Variants in CCDC171 observed in about 807,000 individuals in gnomAD.
The protein encoded by CCDC171 is coiled-coil domain-containing protein 171.
Under a neutral mutation model 168.2 loss-of-function variants are expected in CCDC171, and 177 were observed. The observed-to-expected ratio is 1.05, with a 90% CI of 0.93 to 1.19. CCDC171 has a LOEUF of 1.19. CCDC171 is among the 50% of genes most tolerant of loss of function. CCDC171 has a pLI of 0.00. For missense variants in CCDC171, 1,991 were observed against 1,539.0 expected, an observed-to-expected ratio of 1.29 and a Z score of -4.91; for synonymous variants, 687 against 540.8, an observed-to-expected ratio of 1.27 and a Z score of -3.75.
At chr9:16,088,403 T>G in the CCDC171 span, among the ~76,000 whole-genome samples, 1 of 152,162 alleles carries the variant, frequency 6.6e-6, no homozygotes, top group Admixed American at 6.6e-5. Context: ...ATAAATGTAT[T>G]CAGATAGGAA....
intron 25 of CCDC171, among the ~76,000 whole-genome samples, chr9:15,949,144 A>AGTG: frequency 6.6e-6 from 1 of 151,848 alleles, no homozygotes; most frequent in Non-Finnish European, 1.5e-5. Flanking sequence ...GATATGTGGC[A>AGTG]TTATTTCTGA....
At chr9:15,607,034 A>C (rs1014984140) in intron 6 of CCDC171, among the ~76,000 whole-genome samples, 2 of 152,154 alleles carry the variant, frequency 1.3e-5, no homozygotes, top group African/African-American at 4.8e-5. Flanking sequence ...TGCATGAGGT[A>C]TTTTTGTAGT....
intron 24 of CCDC171, chr9:15,885,736 G>C (rs895916405): frequency 6.6e-6 from 1 of 152,256 alleles, no homozygotes; most frequent in African/African-American, 2.4e-5. Flanking sequence ...AACTGACCCC[G>C]ATTTGCCCTA....
chr9:15,616,065 C>T (rs1040681109), intron 6 of CCDC171, among the ~76,000 whole-genome samples: 11 of 152,324 alleles, frequency 7.2e-5, no homozygotes, highest in Non-Finnish European at 1.5e-4. Context: ...ATTCTCTTGC[C>T]TCAGCCTCCC....
At chr9:15,649,019 A>T (rs1164160010) in intron 7 of CCDC171, among the ~76,000 whole-genome samples, 3 of 152,208 alleles carry the variant, frequency 2.0e-5, no homozygotes, top group Admixed American at 6.5e-5. Context: ...TACAGTAACC[A>T]AAACAGCATG....
downstream of CCDC171, among the ~76,000 whole-genome samples, chr9:16,066,073 T>A (rs372030014): frequency 2.6e-4 from 39 of 152,298 alleles, no homozygotes; most frequent in South Asian, 8.1e-3. Flanking sequence ...TCCCTAATGC[T>A]GTCCATGGAC....
rs761431259 is a variant in CCDC171, at chr9:15,623,259, T to A, written c.676-8T>A. 4 of 1,545,894 alleles carry A rather than the reference T, an allele frequency of 2.6e-6. No homozygotes were observed. The African/African-American group carries it at 5.5e-5, about 21-fold the overall frequency. ...ACTTTATTGATGCAAAAATGAATTA[T>A]TTTCCAGGAGCAAGATACTGCTGTG... On this transcript the variant is annotated splice_region_variant and splice_polypyrimidine_tract_variant and intron_variant, in intron 6 of 25. Coordinates refer to ENST00000380701, the MANE Select transcript of CCDC171 (RefSeq NM_173550.4).
intron 7 of CCDC171, among the ~76,000 whole-genome samples, chr9:15,652,056 G>C (rs1050046454): frequency 2.6e-5 from 4 of 152,026 alleles, no homozygotes; most frequent in African/African-American, 9.7e-5. Context: ...CCATAAGTGT[G>C]CCTCACCACA....
At chr9:15,761,748 C>G (rs2056456165) in intron 18 of CCDC171, among the ~76,000 whole-genome samples, 1 of 152,138 alleles carries the variant, frequency 6.6e-6, no homozygotes, top group South Asian at 2.1e-4. Flanking sequence ...GCTTCAGCTG[C>G]TAGTCTCTAT....
chr9:15,781,746 T>C (rs1479320369), intron 20 of CCDC171, among the ~76,000 whole-genome samples: 1 of 152,220 alleles, frequency 6.6e-6, no homozygotes, highest in East Asian at 1.9e-4. Flanking sequence ...CCTATAATTA[T>C]AAGTTATGAA....
chr9:15,659,166 C>T (rs985477421), intron 8 of CCDC171, among the ~76,000 whole-genome samples: 2 of 152,134 alleles, frequency 1.3e-5, no homozygotes, highest in African/African-American at 2.4e-5. Flanking sequence ...GAACAATGTA[C>T]ATTTACTCTT....
At chr9:15,618,558 C>T (rs984231704) in intron 6 of CCDC171, among the ~76,000 whole-genome samples, 7 of 152,290 alleles carry the variant, frequency 4.6e-5, no homozygotes, top group African/African-American at 1.7e-4. Context: ...GTTCCAGGTG[C>T]CACTGGCATA....
chr9:16,025,318 T>C (rs1323442525), intron 6 of CCDC171, among the ~76,000 whole-genome samples: 1 of 152,120 alleles, frequency 6.6e-6, no homozygotes, highest in Non-Finnish European at 1.5e-5. Context: ...CATGTGCGCC[T>C]GTAATCCCAG....
In CCDC171 at chr9:15,825,566, G is replaced by A. The variant is rs886540153; in HGVS notation, c.3268-21136G>A. Among the ~76,000 whole-genome samples the A allele has an allele frequency of 7.4e-4, 112 of 152,168 alleles. 1 individual carries two copies. Among genetic ancestry groups the A allele is most frequent in the African/African-American group, 2.5e-3 (102 of 41,444 alleles). ...GTTTTGGAGTCAGAACTTGAAGTCA[G>A]TTCCTGGTGATTTAGTGGCTAGGGA... On this transcript the variant is annotated intron_variant, in intron 21 of 25. Transcript: ENST00000380701.
chr9:15,624,948 C>T (rs888538143), intron 7 of CCDC171, among the ~76,000 whole-genome samples: 3 of 152,176 alleles, frequency 2.0e-5, no homozygotes, highest in African/African-American at 7.2e-5. Context: ...AAAAGTGTTC[C>T]TATTTCTCCA....
At chr9:15,718,302 C>T (rs1327466553) in intron 11 of CCDC171, among the ~76,000 whole-genome samples, 1 of 152,132 alleles carries the variant, frequency 6.6e-6, no homozygotes, top group African/African-American at 2.4e-5. Context: ...CCAGTTCAGC[C>T]TCAGTAGAAT....
intron 25 of CCDC171, among the ~76,000 whole-genome samples, chr9:15,932,009 C>A (rs935265047): frequency 6.6e-6 from 1 of 151,666 alleles, no homozygotes; most frequent in Admixed American, 6.6e-5. Context: ...TATAGCTTTG[C>A]AGTATATTTT....
At chr9:15,586,491 A>G (rs1267106609) in intron 4 of CCDC171, among the ~76,000 whole-genome samples, 1 of 152,202 alleles carries the variant, frequency 6.6e-6, no homozygotes, top group African/African-American at 2.4e-5. Context: ...GGAGTGGGGA[A>G]AACCGAAAGA....
intron 2 of CCDC171, among the ~76,000 whole-genome samples, chr9:15,566,378 C>T (rs1463751273): frequency 6.6e-6 from 1 of 151,676 alleles, no homozygotes; most frequent in South Asian, 2.1e-4. Flanking sequence ...GCCAATATGG[C>T]GAAACCCCAT....
Sources: allele counts gnomAD v4.1 joint callset (sites outside exome capture counted in the v4.1 genomes callset), GRCh38; gene constraint gnomAD v4.1.1; transcripts MANE v1.5; gene names NCBI Gene and HGNC (gene_info 2026-07-23, HGNC 2026-07-21).